RBFOX1: variants seen among roughly 807,000 people sequenced by gnomAD.
The protein encoded by RBFOX1 is RNA binding fox-1 homolog 1.
In RBFOX1, 8 loss-of-function variants were observed where a neutral mutation model predicts 57.7. The ratio of observed to expected loss-of-function variants is 0.14; its 90% CI spans 0.08 to 0.25. The LOEUF is 0.25. Among genes scored for constraint, RBFOX1 ranks in the 10% least tolerant of loss-of-function variants. The pLI is 1.00. For synonymous variants in RBFOX1, 326 were observed against 222.4 expected (o/e 1.47, Z -4.15); for missense variants, 611 against 548.5 (o/e 1.11, Z -1.14).
At chr16:6,779,965 ATATATATTTATATATT>A (rs1188535426) in intron 3 of RBFOX1, among the ~76,000 whole-genome samples, 3 of 40,824 alleles carry the variant, frequency 7.3e-5, no homozygotes, top group Non-Finnish European at 1.2e-4. Flanking sequence ...TTATATATTT[ATATATATTTATATATT>A]TATATATTTA....
intron 3 of RBFOX1, among the ~76,000 whole-genome samples, chr16:6,840,845 C>A (rs1005533161): frequency 3.4e-5 from 5 of 148,352 alleles, no homozygotes; most frequent in Middle Eastern, 3.5e-3. Flanking sequence ...TGAGATCGTC[C>A]CATTGTACTC....
At chr16:6,048,109 C>T (rs552814832) in intron 1 of RBFOX1, among the ~76,000 whole-genome samples, 6 of 152,272 alleles carry the variant, frequency 3.9e-5, no homozygotes, top group South Asian at 2.1e-4. Flanking sequence ...CAGCATTTTA[C>T]GGTAAAATTG....
chr16:6,199,380 G>C (rs1307555212), intron 1 of RBFOX1, among the ~76,000 whole-genome samples: 1 of 152,154 alleles, frequency 6.6e-6, no homozygotes, highest in Non-Finnish European at 1.5e-5. Context: ...AAAGTCAAAT[G>C]AGCTGTGACC....
At chr16:7,100,809 C>G (rs1223274089) in intron 4 of RBFOX1, among the ~76,000 whole-genome samples, 1 of 152,048 alleles carries the variant, frequency 6.6e-6, no homozygotes. Context: ...CAGATGAATG[C>G]AAACTAAAAA....
chr16:6,377,444 A>G (rs1567152839), intron 2 of RBFOX1, among the ~76,000 whole-genome samples: 1 of 152,140 alleles, frequency 6.6e-6, no homozygotes, highest in Admixed American at 6.5e-5. Context: ...TTGTTATCCA[A>G]CCCAGTGTAC....
intron 3 of RBFOX1, among the ~76,000 whole-genome samples, chr16:5,611,789 T>TCCACCCACCCAC (rs1433857998): frequency 9.4e-6 from 1 of 106,384 alleles, no homozygotes; most frequent in African/African-American, 3.6e-5. Context: ...CATCCATCCA[T>TCCACCCACCCAC]CCATCCACCC....
intron 2 of RBFOX1, among the ~76,000 whole-genome samples, chr16:6,465,955 G>A (rs2095039562): frequency 6.6e-6 from 1 of 152,010 alleles, no homozygotes; most frequent in Non-Finnish European, 1.5e-5. Context: ...AAGACTGGGT[G>A]TCGTGGCTCA....
chr16:6,290,603 G>C (rs1018417401), intron 1 of RBFOX1, among the ~76,000 whole-genome samples: 2 of 152,126 alleles, frequency 1.3e-5, no homozygotes, highest in African/African-American at 2.4e-5. Context: ...ACAACATAGC[G>C]GTCATCCTAT....
At chr16:7,528,548 G>A (rs886214803) in intron 5 of RBFOX1, among the ~76,000 whole-genome samples, 1 of 152,094 alleles carries the variant, frequency 6.6e-6, no homozygotes, top group African/African-American at 2.4e-5. Flanking sequence ...CACCATCTTA[G>A]TTCACTGCAG....
At chr16:6,418,354 C>G (rs992178063) in intron 2 of RBFOX1, among the ~76,000 whole-genome samples, 1 of 151,900 alleles carries the variant, frequency 6.6e-6, no homozygotes, top group Non-Finnish European at 1.5e-5. Flanking sequence ...ATGGTGACTT[C>G]TAGGACTAAG....
At chr16:6,568,353 GC>G (rs2097296571) in intron 2 of RBFOX1, among the ~76,000 whole-genome samples, 1 of 152,148 alleles carries the variant, frequency 6.6e-6, no homozygotes, top group Admixed American at 6.5e-5. Context: ...CACCACATGG[GC>G]CTCTTTACAG....
chr16:7,238,163 G>C (rs2093870515), intron 4 of RBFOX1, among the ~76,000 whole-genome samples: 1 of 152,130 alleles, frequency 6.6e-6, no homozygotes, highest in Admixed American at 6.5e-5. Context: ...AAAGTGGCAT[G>C]GTCGTTACCA....
intron 4 of RBFOX1, among the ~76,000 whole-genome samples, chr16:7,423,231 G>A (rs1204916704): frequency 6.6e-6 from 1 of 152,104 alleles, no homozygotes; most frequent in Non-Finnish European, 1.5e-5. Context: ...AGTTCGTGGG[G>A]TACCTGTATC....
intron 1 of RBFOX1, among the ~76,000 whole-genome samples, chr16:5,266,241 G>A (rs2062854234): frequency 6.6e-6 from 1 of 152,068 alleles, no homozygotes; most frequent in African/African-American, 2.4e-5. Context: ...GTATGTGTGG[G>A]GGTTCCCTGT....
intron 3 of RBFOX1, among the ~76,000 whole-genome samples, chr16:6,663,471 A>G (rs1244305115): frequency 6.6e-6 from 1 of 151,476 alleles, no homozygotes; most frequent in East Asian, 1.9e-4. Context: ...AGATCTGTGC[A>G]CTTCTGATAG....
At chr16:7,176,820 T>A (rs377706365) in intron 4 of RBFOX1, among the ~76,000 whole-genome samples, 6 of 152,018 alleles carry the variant, frequency 3.9e-5, no homozygotes, top group African/African-American at 1.5e-4. Context: ...AAAACATCTG[T>A]GGTAATAAAT....
At chr16:7,015,287 C>T (rs2153662458) in intron 3 of RBFOX1, among the ~76,000 whole-genome samples, 1 of 152,266 alleles carries the variant, frequency 6.6e-6, no homozygotes, top group South Asian at 2.1e-4. Flanking sequence ...AAATCAGAAA[C>T]TGCTCGCATT....
intron 2 of RBFOX1, among the ~76,000 whole-genome samples, chr16:5,550,638 A>G (rs367814927): frequency 2.0e-5 from 3 of 152,346 alleles, no homozygotes; most frequent in South Asian, 2.1e-4. Flanking sequence ...AGTACCTAGT[A>G]TGTATCAGGT....
intron 4 of RBFOX1, among the ~76,000 whole-genome samples, chr16:7,496,759 A>AAAAAC (rs1555517577): frequency 1.3e-5 from 2 of 151,538 alleles, no homozygotes; most frequent in Non-Finnish European, 2.9e-5. Context: ...AAAAAAAAAA[A>AAAAAC]CAGTTTGCAT....
Sources: gnomAD v4.1 joint callset for allele counts (sites outside exome capture counted in the v4.1 genomes callset) on GRCh38, gnomAD v4.1.1 for gene constraint, MANE v1.5 for transcripts, NCBI Gene and HGNC (gene_info 2026-07-23, HGNC 2026-07-21) for gene names.